HAS1: variants seen among roughly 807,000 people sequenced by gnomAD.
HAS1 encodes the protein hyaluronan synthase 1, also known as HA synthase 1.
A neutral mutation model predicts 35.0 loss-of-function variants in HAS1; 27 were observed. The ratio of observed to expected loss-of-function variants is 0.77; its 90% confidence interval spans 0.57 to 1.06. HAS1 has a LOEUF of 1.06. Ranked by LOEUF, HAS1 falls within the 50% of genes least tolerant of loss-of-function variation. HAS1 has a pLI of 0.00. For missense variants in HAS1, 940 were observed against 814.8 expected, an observed-to-expected ratio of 1.15 and a Z score of -1.87; for synonymous variants, 409 against 371.2, an observed-to-expected ratio of 1.10 and a Z score of -1.17.
At chr19:51,718,298 A>C (rs1363494664) in intron 2 of HAS1, among the ~76,000 whole-genome samples, 1 of 152,170 alleles carries the variant, frequency 6.6e-6, no homozygotes, top group East Asian at 1.9e-4. Flanking sequence ...AAATGAAATT[A>C]ATCTGTATAT....
intron 1 of HAS1, among the ~76,000 whole-genome samples, chr19:51,723,621 G>A (rs775723153): frequency 3.9e-5 from 6 of 151,956 alleles, no homozygotes; most frequent in Non-Finnish European, 8.8e-5. Context: ...GCCTCCCAGG[G>A]AACATAGACA....
At position 51,714,090 on chromosome 19, in the gene HAS1, C is replaced by T. The variant is rs777840555; in HGVS notation, c.1071G>A (p.Arg357=). 12 of 1,612,202 alleles carry T rather than the reference C, an allele frequency of 7.4e-6. No homozygotes were observed. The African/African-American group carries it at 1.3e-4, about 18-fold the overall frequency. ...SMGYATKYTS[R]SRCYSETPSS... is the part of the protein sequence containing the mutation. ...AGGGCGTCTCTGAGTAGCAGCGGGA[C>T]CTGGAGGTGTACCTGCACGGGGGCG... Residue 357 remains arginine (R), a synonymous_variant, in exon 5 of 5, where the codon AGG becomes AGA. Transcript: ENST00000540069.
At position 51,719,405 on chromosome 19, in the gene HAS1, T is replaced by G. The variant is rs1266458958; in HGVS notation, c.500A>C (p.Gln167Pro). ...ATYVWDGNYHQPWEPAAAGAV... is the reference protein window; with the variant it reads ...ATYVWDGNYHPPWEPAAAGAV... ...GCCCGCCGCCGCGGGTTCCCAGGGC[T>G]GGTGGTAGTTGCCGTCCCACACGTA... Residue 167 changes from glutamine (Q) to proline (P), a missense_variant, in exon 2 of 5, where the codon CAG (glutamine) becomes CCG (proline). Gln to Pro is a moderately conservative substitution (Grantham distance 76, BLOSUM62 -1). Coordinates refer to ENST00000540069, the MANE Select transcript of HAS1 (RefSeq NM_001297436.2). 1 of 1,567,400 alleles carries G rather than the reference T, an allele frequency of 6.4e-7. No individual in the cohort carries two copies. The highest frequency in any genetic ancestry group is 8.7e-7 in the Non-Finnish European group (1 of 1,155,526).
At chr19:51,721,856 GC>G (rs1338563275) in intron 1 of HAS1, among the ~76,000 whole-genome samples, 2 of 152,096 alleles carry the variant, frequency 1.3e-5, no homozygotes, top group African/African-American at 4.8e-5. Flanking sequence ...TCCTGCCTTG[GC>G]CCCCTAAAGT....
At position 51,721,949 on chromosome 19, in the gene HAS1, A is replaced by G. The variant is rs554209951; in HGVS notation, c.9+1976T>C. On this transcript the variant is annotated intron_variant, in intron 1 of 4. Coordinates refer to ENST00000540069, the MANE Select transcript of HAS1 (RefSeq NM_001297436.2). ...AGGTACCTTCACTGTCTTCTGTTAC[A>G]GATGAGGAAACTGAGACACTGAGAG... is the stretch of plus-strand genomic sequence containing the variant. Among the ~76,000 whole-genome samples the G allele has an allele frequency of 7.2e-5, 11 of 152,302 alleles. No homozygotes were observed. In the South Asian group the frequency reaches 2.3e-3, roughly 32 times the overall value.
At position 51,720,087 on chromosome 19, in the gene HAS1, T is replaced by G. The variant is rs144180247; in HGVS notation, c.10-192A>C. 621 of 540,994 alleles carry G rather than the reference T, an allele frequency of 1.1e-3. No homozygotes were observed. The East Asian group carries it at 0.019, about 16-fold the overall frequency. The allele number at this position is 540,994 out of a possible 1,614,324, so 33.5% of individuals were successfully genotyped here. On this transcript the variant is annotated intron_variant, in intron 1 of 4. Coordinates refer to ENST00000540069, the MANE Select transcript of HAS1 (RefSeq NM_001297436.2). ...GTGTCTGTCTCGCTGTCTCTCTCTCTCTCTCGCTCTCGCTCTCCCTTTCTC... is the reference window on the plus strand; with the variant it reads ...GTGTCTGTCTCGCTGTCTCTCTCTCGCTCTCGCTCTCGCTCTCCCTTTCTC...
chr19:51,719,780 CCGG>C lies in HAS1; in HGVS notation c.122_124del (p.Ala41del). ...GTAGCGATCGGAGGCCAGCGGCACC[CCGG>C]CGGCGTAGGCCCAGGTCATGAGGCC... On this transcript the variant is annotated inframe_deletion, in exon 2 of 5. Coordinates refer to ENST00000540069, the MANE Select transcript of HAS1 (RefSeq NM_001297436.2). 6.4e-7 allele frequency: 1 copy of C among 1,561,220 alleles called. No homozygotes were observed. Among genetic ancestry groups the C allele is most frequent in the East Asian group, 2.4e-5 (1 of 42,092 alleles).
chr19:51,723,798 A>G (rs1486659755), intron 1 of HAS1, 127 bp downstream of exon 1: 7 of 925,356 alleles, frequency 7.6e-6, no homozygotes, highest in Non-Finnish European at 1.1e-5. Context: ...TGTCAGGCAC[A>G]TGGATACACA....
Position 51,722,216 on chromosome 19 carries a change from T to A in HAS1, c.9+1709A>T, listed in dbSNP as rs374196478. ...AATGCAGCCAGTATCACCGAGGAAC[T>A]GAGTTTTAAATTTTATTTAATTTTA... On this transcript the variant is annotated intron_variant, in intron 1 of 4. Coordinates refer to ENST00000540069, the MANE Select transcript of HAS1 (RefSeq NM_001297436.2). Among the ~76,000 whole-genome samples the A allele has an allele frequency of 7.2e-5, 11 of 152,348 alleles. No homozygotes were observed. In the South Asian group the frequency reaches 2.1e-3, roughly 29 times the overall value.
chr19:51,719,317 C>T lies in HAS1; in HGVS notation c.588G>A (p.Glu196=), dbSNP rs2083607386. ...EAEDPGRLAV[E]ALVRTRRCVC... is the part of the protein sequence containing the mutation. Reference sequence around the variant, plus strand: ...CGCACCTGCGAGTCCTCACCAGCGCCTCCACTGCCAGCCGCCCAGGATCCT... The same window carrying T: ...CGCACCTGCGAGTCCTCACCAGCGCTTCCACTGCCAGCCGCCCAGGATCCT... The change falls in exon 2 of 5, where the codon GAG becomes GAA. Residue 196 remains glutamate (E), a synonymous_variant. Transcript: ENST00000540069. The T allele has an allele frequency of 6.2e-7, 1 of 1,612,614 alleles. No individual in the cohort carries two copies. The highest frequency in any genetic ancestry group is 8.5e-7 in the Non-Finnish European group (1 of 1,179,472).
chr19:51,722,704 A>G (rs2122277988), intron 1 of HAS1, among the ~76,000 whole-genome samples: 1 of 152,350 alleles, frequency 6.6e-6, no homozygotes, highest in African/African-American at 2.4e-5. Flanking sequence ...TTTATACATC[A>G]TCTGTGGCTG....
chr19:51,719,769 C>A lies in HAS1; in HGVS notation c.136G>T (p.Ala46Ser). 1 of 1,563,644 alleles carries A rather than the reference C, an allele frequency of 6.4e-7. No individual in the cohort carries two copies. Among genetic ancestry groups the A allele is most frequent in the Non-Finnish European group, 8.6e-7 (1 of 1,158,430 alleles). The change falls in exon 2 of 5, where the codon GCC (alanine) becomes TCC (serine). Residue 46 changes from alanine (A) to serine (S), a missense_variant. By Grantham distance (99) the Ala-to-Ser change is moderately conservative. Transcript: ENST00000540069. The stretch of plus-strand genomic sequence containing the variant: ...GCCAGGAGGCCGTAGCGATCGGAGG[C>A]CAGCGGCACCCCGGCGGCGTAGGCC... ...TWAYAAGVPL[A>S]SDRYGLLAFG...
At chr19:51,714,422 C>T (rs2083570991) in intron 4 of HAS1, among the ~76,000 whole-genome samples, 1 of 140,622 alleles carries the variant, frequency 7.1e-6, no homozygotes, top group Non-Finnish European at 1.6e-5. Flanking sequence ...GATGCAATGG[C>T]TCATGCCTGT....
rs1568627982 is a variant in HAS1, at chr19:51,719,480, T to C, written c.425A>G (p.Tyr142Cys). ...VVDGNRAEDL[Y>C]MVDMFREVFA... ...GACCTCGCGGAACATGTCGACCATG[T>C]AGAGGTCCTCGGCGCGGTTGCCATC... The change falls in exon 2 of 5, where the codon TAC (tyrosine) becomes TGC (cysteine). Residue 142 changes from tyrosine (Y) to cysteine (C), a missense_variant. Tyr to Cys is a radical substitution (Grantham distance 194). Transcript: ENST00000540069. 1 of 1,551,088 alleles carries C rather than the reference T, an allele frequency of 6.4e-7. No individual in the cohort carries two copies. Among genetic ancestry groups the C allele is most frequent in the South Asian group, 1.2e-5 (1 of 84,124 alleles).
intron 4 of HAS1, among the ~76,000 whole-genome samples, chr19:51,715,926 C>T (rs2083583110): frequency 6.6e-6 from 1 of 152,212 alleles, no homozygotes; most frequent in African/African-American, 2.4e-5. Context: ...AGAACCAACT[C>T]ACCCTATCTC....
chr19:51,714,214 C>A, intron 4 of HAS1, 112 bp from the exon 5 acceptor site: 1 of 1,479,488 alleles, frequency 6.8e-7, no homozygotes, highest in South Asian at 1.3e-5. Context: ...GTTTCTTAAC[C>A]TCTCTAGGCC....
chr19:51,719,657 G>A lies in HAS1; in HGVS notation c.248C>T (p.Ala83Val), dbSNP rs769147211. The A allele has an allele frequency of 4.9e-5, 76 of 1,539,802 alleles. No homozygotes were observed. Among genetic ancestry groups the A allele is most frequent in the South Asian group, 4.1e-4 (34 of 83,522 alleles). Residue 83 changes from alanine (A) to valine (V), a missense_variant, in exon 2 of 5, where the codon GCG (alanine) becomes GTG (valine). Transcript: ENST00000540069. ...AYLEHRRVAAAARGPLDAATA... is the reference protein window; with the variant it reads ...AYLEHRRVAAVARGPLDAATA... ...GGCTGCATCCAGCGGCCCCCGCGCC[G>A]CCGCCGCCACCCGCCGGTGCTCCAG... is the stretch of plus-strand genomic sequence containing the variant.
rs773628225 is a variant in HAS1, at chr19:51,719,684, T to C, written c.221A>G (p.Tyr74Cys). 6.4e-7 allele frequency: 1 copy of C among 1,556,804 alleles called. No homozygotes were observed. The highest frequency in any genetic ancestry group is 1.2e-5 in the South Asian group (1 of 84,742). Residue 74 changes from tyrosine (Y) to cysteine (C), a missense_variant, in exon 2 of 5, where the codon TAC becomes TGC. Transcript: ENST00000540069. The part of the protein sequence containing the change: ...AHLVAQSLFA[Y>C]LEHRRVAAAA... ...CGCCGCCACCCGCCGGTGCTCCAGG[T>C]ACGCGAAGAGGCTCTGCGCCACCAG...
Position 51,719,603 on chromosome 19 carries a change from G to A in HAS1, c.302C>T (p.Ser101Phe). ...GTACGCGGGGTCCTCCTGGTAGGCGGAGATGGTCAGCGCCACACTGCGCGC... is the reference window on the plus strand; with the variant it reads ...GTACGCGGGGTCCTCCTGGTAGGCGAAGATGGTCAGCGCCACACTGCGCGC... ...ATARSVALTI[S>F]AYQEDPAYLR... Residue 101 changes from serine to phenylalanine, a missense_variant, in exon 2 of 5, where the codon TCC (serine) becomes TTC (phenylalanine). Ser to Phe is a radical substitution (Grantham distance 155). Transcript: ENST00000540069. The A allele has an allele frequency of 4.5e-6, 7 of 1,541,070 alleles. No individual in the cohort carries two copies. The highest frequency in any genetic ancestry group is 6.1e-6 in the Non-Finnish European group (7 of 1,143,586).
Sources: allele counts gnomAD v4.1 joint callset (sites outside exome capture counted in the v4.1 genomes callset), GRCh38; gene constraint gnomAD v4.1.1; transcripts MANE v1.5; gene names NCBI Gene and HGNC (gene_info 2026-07-23, HGNC 2026-07-21).